Variants in NLRP5 observed in about 807,000 individuals in gnomAD.
NLRP5 encodes NLR family pyrin domain containing 5, also known as NACHT, LRR and PYD domains-containing protein 5.
A neutral mutation model predicts 113.1 loss-of-function variants in NLRP5; 93 were observed. That is an observed-to-expected ratio of 0.82 (90% CI 0.70 to 0.98). The LOEUF is 0.98. Ranked by LOEUF, NLRP5 falls within the 50% of genes least tolerant of loss-of-function variation. The pLI is 0.00. For missense variants in NLRP5, 1,808 were observed against 1,514.3 expected (o/e 1.19, Z -3.22); for synonymous variants, 751 against 600.7 (o/e 1.25, Z -3.66).
chr19:56,053,181 A>C (rs1568503142), intron 12 of NLRP5, among the ~76,000 whole-genome samples: 1 of 152,114 alleles, frequency 6.6e-6, no homozygotes, highest in African/African-American at 2.4e-5. Flanking sequence ...GGATCACCTG[A>C]GGTCAGGAGT....
In NLRP5 at chr19:56,005,489, G is replaced by A. The variant is rs554222727; in HGVS notation, c.442+1394G>A. 4.0e-4 allele frequency among the ~76,000 whole-genome samples: 59 copies of A among 145,966 alleles called. 4 individuals carry two copies. The highest frequency in any genetic ancestry group is 1.5e-3 in the African/African-American group (57 of 38,952). The stretch of plus-strand genomic sequence containing the variant: ...CACACATATTTATACACACACACAC[G>A]CAGGTGGCATGCCTGTACACATATA... On this transcript the variant is annotated intron_variant, in intron 2 of 14. Transcript: ENST00000390649.
intron 14 of NLRP5, among the ~76,000 whole-genome samples, chr19:56,060,358 TA>T (rs1311767014): frequency 6.6e-6 from 1 of 152,226 alleles, no homozygotes; most frequent in Non-Finnish European, 1.5e-5. Flanking sequence ...TCCATCCCTA[TA>T]TGAGAAGTCC....
chr19:55,987,872 T>A, the NLRP5 span: 45 of 1,614,100 alleles, frequency 2.8e-5, 1 homozygote, highest in East Asian at 9.6e-4. Flanking sequence ...CCCACCCGAC[T>A]TCACGGGAAA....
rs376155825 is a variant in NLRP5, at chr19:56,058,330, G to A, written c.3390G>A (p.Val1130=). ...GGCATCTGACCAGTCTAAACCTGGT[G>A]CAGAATAACTTCAGTCCCAAAGGAA... Residue 1130 remains valine, a synonymous_variant, in exon 14 of 15, where the codon GTG becomes GTA. Transcript: ENST00000390649. 1.1e-5 allele frequency: 17 copies of A among 1,613,794 alleles called. No homozygotes were observed. The highest frequency in any genetic ancestry group is 2.7e-5 in the African/African-American group (2 of 74,920).
Position 56,058,424 on chromosome 19 carries a change from A to AATTG in NLRP5, c.3470+15_3470+18dup. 6.2e-7 allele frequency: 1 copy of AATTG among 1,601,626 alleles called. No homozygotes were observed. The highest frequency in any genetic ancestry group is 8.5e-7 in the Non-Finnish European group (1 of 1,173,354). ...ACAGATAATTGGGTAAGTCGCCAGC[A>AATTG]ATTGTCTTCTGAGATACAGACCTGC... On this transcript the variant is annotated intron_variant, in intron 14 of 14. Transcript: ENST00000390649.
the NLRP5 span, chr19:55,987,711 G>T: frequency 1.3e-6 from 1 of 790,666 alleles, no homozygotes; most frequent in South Asian, 1.5e-5. Context: ...GGTGGGAGGG[G>T]TACGGTCTGT....
At chr19:56,042,849 G>T (rs1665447760) in intron 11 of NLRP5, among the ~76,000 whole-genome samples, 2 of 152,180 alleles carry the variant, frequency 1.3e-5, no homozygotes, top group African/African-American at 4.8e-5. Flanking sequence ...AATATACGAT[G>T]TTTGGTTTTC....
chr19:56,031,863 CAGTG>C (rs1983128778), intron 7 of NLRP5, among the ~76,000 whole-genome samples: 1 of 152,180 alleles, frequency 6.6e-6, no homozygotes, highest in East Asian at 1.9e-4. Flanking sequence ...GAAAATGCCA[CAGTG>C]AGCGTGGGAG....
intron 3 of NLRP5, among the ~76,000 whole-genome samples, chr19:56,011,753 G>C (rs1295849446): frequency 1.3e-5 from 2 of 151,312 alleles, no homozygotes; most frequent in African/African-American, 2.4e-5. Flanking sequence ...GAGTGCAATG[G>C]CTTGATCTTG....
At chr19:56,053,607 G>T in intron 12 of NLRP5, 31 bp from the exon 13 acceptor site, 1 of 1,592,514 alleles carries the variant, frequency 6.3e-7, no homozygotes, top group Non-Finnish European at 8.6e-7. Context: ...CTCGAGAGAG[G>T]CAGACTCTCT....
chr19:55,993,758 A>G, the NLRP5 span, among the ~76,000 whole-genome samples: 1 of 150,528 alleles, frequency 6.6e-6, no homozygotes, highest in Non-Finnish European at 1.5e-5. Context: ...TTTGCTTCAC[A>G]CAATGAACTA....
chr19:56,015,034 A>C (rs1982351314), intron 3 of NLRP5, among the ~76,000 whole-genome samples: 2 of 152,196 alleles, frequency 1.3e-5, no homozygotes, highest in Admixed American at 1.3e-4. Flanking sequence ...TCTTCAACCC[A>C]TGGACACAAG....
intron 11 of NLRP5, among the ~76,000 whole-genome samples, chr19:56,043,849 T>A (rs1983619931): frequency 6.6e-6 from 1 of 151,114 alleles, no homozygotes; most frequent in African/African-American, 2.4e-5. Flanking sequence ...AGTGCTGGGA[T>A]TACAGGCGTG....
upstream of NLRP5, among the ~76,000 whole-genome samples, chr19:55,996,212 C>T (rs182954981): frequency 2.1e-3 from 315 of 152,242 alleles, no homozygotes; most frequent in African/African-American, 7.2e-3. Context: ...CCCTGTGTGC[C>T]AGTTCTTAGG....
At position 56,003,735 on chromosome 19, in the gene NLRP5, G is replaced by A; in HGVS notation, c.82G>A (p.Gly28Ser). 1 of 1,609,252 alleles carries A rather than the reference G, an allele frequency of 6.2e-7. No homozygotes were observed. The highest frequency in any genetic ancestry group is 8.5e-7 in the Non-Finnish European group (1 of 1,178,040). ...TTTAAGTCTTGTCACTCTTTCCACA[G>A]GTCCTACTTGCTCTATATTACCAAA... The change falls in exon 2 of 15, where the codon GGT becomes AGT. Residue 28 changes from glycine to serine, a missense_variant. Physicochemically the swap from Gly to Ser is moderately conservative, Grantham distance 56 (BLOSUM62 0). Transcript: ENST00000390649.
intron 14 of NLRP5, among the ~76,000 whole-genome samples, chr19:56,059,532 A>G (rs1434024843): frequency 2.6e-5 from 4 of 151,992 alleles, no homozygotes; most frequent in Non-Finnish European, 4.4e-5. Flanking sequence ...TGGTATATTT[A>G]TTTTATTTTA....
Position 56,027,634 on chromosome 19 carries a change from G to T in NLRP5, c.1401G>T (p.Gln467His). The change falls in exon 7 of 15, where the codon CAG becomes CAT. Residue 467 changes from glutamine (Q) to histidine (H), a missense_variant. Physicochemically the swap from Gln to His is conservative, Grantham distance 24 (BLOSUM62 0). Transcript: ENST00000390649. ...TGAACAACCGTGAGCTGCTCGACCA[G>T]TGCCAGGTGCCCGCCGTGGGCTCTC... 1 of 1,613,574 alleles carries T rather than the reference G, an allele frequency of 6.2e-7. No homozygotes were observed. The highest frequency in any genetic ancestry group is 2.2e-5 in the East Asian group (1 of 44,882).
chr19:56,007,359 C>CT (rs35019402), intron 2 of NLRP5, among the ~76,000 whole-genome samples: 42,405 of 145,958 alleles, frequency 0.29, 7,793 homozygotes, highest in African/African-American at 0.5. Flanking sequence ...TTGAGACTGT[C>CT]TTTTTTTTTT....
chr19:56,012,851 G>A (rs76911474), intron 3 of NLRP5, among the ~76,000 whole-genome samples: 2,890 of 152,154 alleles, frequency 0.019, 99 homozygotes, highest in African/African-American at 0.064. Flanking sequence ...CAAATTTGGC[G>A]TCTGTGTTTG....
Sources: gnomAD v4.1 joint callset for allele counts (sites outside exome capture counted in the v4.1 genomes callset) on GRCh38, gnomAD v4.1.1 for gene constraint, MANE v1.5 for transcripts, NCBI Gene and HGNC (gene_info 2026-07-23, HGNC 2026-07-21) for gene names.